PIANP: variants seen among roughly 807,000 people sequenced by gnomAD.
PIANP encodes the protein PILR alpha associated neural protein.
In PIANP, 14 loss-of-function variants were observed where a neutral mutation model predicts 28.9. The observed-to-expected ratio is 0.49, with a 90% CI of 0.32 to 0.76. The LOEUF (loss-of-function observed/expected upper bound fraction) is 0.76, where lower values mean the gene tolerates loss of function less well. Among genes scored for constraint, PIANP ranks in the 30% least tolerant of loss-of-function variants. The pLI is 0.03. For synonymous variants in PIANP, 149 were observed against 156.6 expected (o/e 0.95, Z 0.36); for missense variants, 322 against 371.8 (o/e 0.87, Z 1.10).
chr12:6,692,211 A>G (rs1420992775), downstream of PIANP, among the ~76,000 whole-genome samples: 2 of 152,148 alleles, frequency 1.3e-5, no homozygotes, highest in African/African-American at 4.8e-5. Context: ...GTGTATTTTA[A>G]TTTATTTAAA....
At position 6,695,613 on chromosome 12, in the gene PIANP, T is replaced by C. The variant is rs756525402; in HGVS notation, c.644A>G (p.Gln215Arg). 16 of 1,577,052 alleles carry C rather than the reference T, an allele frequency of 1.0e-5. No individual in the cohort carries two copies. In the African/African-American group the frequency reaches 2.0e-4, roughly 20 times the overall value. The change falls in exon 5 of 5, where the codon CAG becomes CGG. Residue 215 changes from glutamine to arginine, a missense_variant. By Grantham distance (43) the Gln-to-Arg change is conservative. Transcript: ENST00000534837. This position sits in a 1 kb window ranked among gnomAD's most constrained non-coding sequence, Gnocchi z 4.2. The stretch of plus-strand genomic sequence containing the variant: ...CTCCTCCTGCCTCAGGGCACCTTGC[T>C]GCCCTGAGGGTCTGCGTCGCTTCTG... ...RSQKRRRPSG[Q>R]QGALRQEESQ...
At chr12:6,699,458 C>T (rs906546414) in intron 1 of PIANP, among the ~76,000 whole-genome samples, 2 of 151,500 alleles carry the variant, frequency 1.3e-5, no homozygotes, top group African/African-American at 4.9e-5. Context: ...AGCAGGCAGT[C>T]CTGAAAAAGA....
chr12:6,699,685 A>G (rs1959989813), intron 1 of PIANP, among the ~76,000 whole-genome samples: 1 of 151,496 alleles, frequency 6.6e-6, no homozygotes, highest in South Asian at 2.1e-4. Context: ...AAAAGGGGGG[A>G]AAGCCCAGGA....
chr12:6,695,543 C>A lies in PIANP; in HGVS notation c.714G>T (p.Val238=). Residue 238 remains valine, a synonymous_variant, in exon 5 of 5, where the codon GTG becomes GTT. Transcript: ENST00000534837. This position sits in a 1 kb window ranked among gnomAD's most constrained non-coding sequence, Gnocchi z 4.2. ...TAGGTGAGTCCCCGAAGGCCCCCAG[C>A]ACAGTGACTCCAGCCGGGGACAGGT... ...LTDLSPAGVT[V]LGAFGDSPTP... 1.9e-6 allele frequency: 3 copies of A among 1,593,984 alleles called. No homozygotes were observed. The highest frequency in any genetic ancestry group is 2.6e-6 in the Non-Finnish European group (3 of 1,169,260).
intron 1 of PIANP, chr12:6,699,896 G>C (rs1261597464): frequency 6.6e-6 from 1 of 152,664 alleles, no homozygotes; most frequent in Non-Finnish European, 1.5e-5. Flanking sequence ...GGGAAAGGAA[G>C]AAAGCTAGAG....
chr12:6,695,758 A>G lies in PIANP; in HGVS notation c.606-107T>C, dbSNP rs2137705475. On this transcript the variant is annotated intron_variant, in intron 4 of 4. Transcript: ENST00000534837. The surrounding 1 kb of genome is among the most constrained non-coding windows in gnomAD (Gnocchi z 4.2). ...CTCGCCCAGTCACTCCCAACATCTT[A>G]TAGCAGAGAAACTGGCCTTTAACAG... 8.0e-7 allele frequency: 1 copy of G among 1,251,150 alleles called. No individual in the cohort carries two copies. 77.5% of individuals were successfully genotyped at this position (1,251,150 alleles called of 1,614,324 possible).
At position 6,700,235 on chromosome 12, in the gene PIANP, G is replaced by GCCCGCACTC. The variant is rs1960013218; in HGVS notation, c.-44+370_-44+378dup. On this transcript the variant is annotated intron_variant, in intron 1 of 4. Coordinates refer to ENST00000534837, the MANE Select transcript of PIANP (RefSeq NM_001244014.2). This position sits in a 1 kb window ranked among gnomAD's most constrained non-coding sequence, Gnocchi z 5.5. ...GGCCCCCATCCCACCCATCCCGCAGGCCCGCACTCCCCGCACAGGGCTGGA... is the reference window on the plus strand; with the variant it reads ...GGCCCCCATCCCACCCATCCCGCAGGCCCGCACTCCCCGCACTCCCCGCACAGGGCTGGA... 1 of 152,280 alleles carries GCCCGCACTC rather than the reference G, an allele frequency of 6.6e-6. No homozygotes were observed. Among genetic ancestry groups the GCCCGCACTC allele is most frequent in the Non-Finnish European group, 1.5e-5 (1 of 68,100 alleles). The allele number at this position is 152,280 out of a possible 1,614,324, so 9.4% of individuals were successfully genotyped here.
chr12:6,700,712 G>A lies in PIANP; in HGVS notation c.-142C>T, dbSNP rs953760597. The A allele has an allele frequency of 3.2e-4, 49 of 151,366 alleles. No homozygotes were observed. The highest frequency in any genetic ancestry group is 1.1e-3 in the African/African-American group (46 of 41,134). 9.4% of individuals were successfully genotyped at this position (151,366 alleles called of 1,614,324 possible). ...GGCGGGGTGCGGGGCATGGTGGGGA[G>A]GTTTGGCCCGCGGCAGGGCGCTGGA... is the stretch of plus-strand genomic sequence containing the variant. On this transcript the variant is annotated 5_prime_UTR_variant, in exon 1 of 5. Transcript: ENST00000534837. This position sits in a 1 kb window ranked among gnomAD's most constrained non-coding sequence, Gnocchi z 5.5.
At position 6,697,720 on chromosome 12, in the gene PIANP, C is replaced by A. The variant is rs867345037; in HGVS notation, c.90G>T (p.Gln30His). The change falls in exon 3 of 5, where the codon CAG (glutamine) becomes CAT (histidine). Residue 30 changes from glutamine to histidine, a missense_variant. By Grantham distance (24) the Gln-to-His change is conservative (BLOSUM62 0). Transcript: ENST00000534837. This position sits in a 1 kb window ranked among gnomAD's most constrained non-coding sequence, Gnocchi z 6.9. Reference sequence around the variant, plus strand: ...GGGTTCGAGGGGAGGATGAAGAGCCCTGAGCAGGCGGTGGGAGGGGCAGCA... The same window carrying A: ...GGGTTCGAGGGGAGGATGAAGAGCCATGAGCAGGCGGTGGGAGGGGCAGCA... ...LLLLPLPPPA[Q>H]GSSSSPRTPP... 1.3e-6 allele frequency: 2 copies of A among 1,557,822 alleles called. No homozygotes were observed. The highest frequency in any genetic ancestry group is 1.7e-6 in the Non-Finnish European group (2 of 1,153,432).
At position 6,700,259 on chromosome 12, in the gene PIANP, G is replaced by A. The variant is rs1960014110; in HGVS notation, c.-44+355C>T. 6.6e-6 allele frequency: 1 copy of A among 152,522 alleles called. No individual in the cohort carries two copies. Among genetic ancestry groups the A allele is most frequent in the Non-Finnish European group, 1.5e-5 (1 of 68,268 alleles). 9.4% of individuals were successfully genotyped at this position (152,522 alleles called of 1,614,324 possible). On this transcript the variant is annotated intron_variant, in intron 1 of 4. Transcript: ENST00000534837. This position sits in a 1 kb window ranked among gnomAD's most constrained non-coding sequence, Gnocchi z 5.5. ...GGCCCGCACTCCCCGCACAGGGCTG[G>A]AGAGCGGCGAGAGTGGGGGGAGACG...
In PIANP at chr12:6,694,814, G is replaced by A; in HGVS notation, c.*612C>T. ...GCTTTCATGTGAGTGCACAAGGGTG[G>A]GGACAGGGACCCGAAGTCACAGATA... On this transcript the variant is annotated 3_prime_UTR_variant, in exon 5 of 5. Transcript: ENST00000534837. The surrounding 1 kb of genome is among the most constrained non-coding windows in gnomAD (Gnocchi z 6.1). 1 of 533,818 alleles carries A rather than the reference G, an allele frequency of 1.9e-6. No homozygotes were observed. The highest frequency in any genetic ancestry group is 3.3e-6 in the Non-Finnish European group (1 of 300,822). The allele number at this position is 533,818 out of a possible 1,614,324, so 33.1% of individuals were successfully genotyped here.
In PIANP at chr12:6,695,566, G is replaced by A. The variant is rs1472290575; in HGVS notation, c.691C>T (p.Leu231=). The A allele has an allele frequency of 1.3e-6, 2 of 1,593,812 alleles. No homozygotes were observed. The highest frequency in any genetic ancestry group is 8.6e-7 in the Non-Finnish European group (1 of 1,169,150). ...QEESQQPLTD[L]SPAGVTVLGA... ...AGCACAGTGACTCCAGCCGGGGACA[G>A]GTCTGTCAGTGGCTGCTGGCTCTCC... is the stretch of plus-strand genomic sequence containing the variant. The change falls in exon 5 of 5, where the codon CTG becomes TTG. Residue 231 remains leucine (L), a synonymous_variant. Coordinates refer to ENST00000534837, the MANE Select transcript of PIANP (RefSeq NM_001244014.2). This position sits in a 1 kb window ranked among gnomAD's most constrained non-coding sequence, Gnocchi z 4.2.
chr12:6,692,906 T>G (rs765959349), downstream of PIANP, among the ~76,000 whole-genome samples: 20 of 152,114 alleles, frequency 1.3e-4, no homozygotes, highest in Non-Finnish European at 2.5e-4. Context: ...GCTTGAAAGA[T>G]AAATGCATGG....
In PIANP at chr12:6,696,530, T is replaced by C; in HGVS notation, c.524-6A>G. On this transcript the variant is annotated splice_polypyrimidine_tract_variant and splice_region_variant and intron_variant, in intron 3 of 4. Transcript: ENST00000534837. This position sits in a 1 kb window ranked among gnomAD's most constrained non-coding sequence, Gnocchi z 4.0. ...ATAGAGCTGGGGGTCCACACCTGAT[T>C]GGGGTGGGAAGAAAGTTTTAGGGAG... 6.3e-7 allele frequency: 1 copy of C among 1,579,904 alleles called. No homozygotes were observed. The highest frequency in any genetic ancestry group is 8.6e-7 in the Non-Finnish European group (1 of 1,163,028).
In PIANP at chr12:6,700,382, G is replaced by A. The variant is rs1015111699; in HGVS notation, c.-44+232C>T. On this transcript the variant is annotated intron_variant, in intron 1 of 4. Coordinates refer to ENST00000534837, the MANE Select transcript of PIANP (RefSeq NM_001244014.2). This position sits in a 1 kb window ranked among gnomAD's most constrained non-coding sequence, Gnocchi z 5.5. ...ACTGCGCGGAGCCGCCCGCCGAGCC[G>A]AGGCGGGATGGAGGCAGCCGCGGGG... 2.0e-5 allele frequency: 3 copies of A among 152,460 alleles called. No homozygotes were observed. Among genetic ancestry groups the A allele is most frequent in the African/African-American group, 7.2e-5 (3 of 41,466 alleles). The allele number at this position is 152,460 out of a possible 1,614,324, so 9.4% of individuals were successfully genotyped here. A position where few individuals can be genotyped will look rare whatever the true frequency, so the allele number is the denominator to read the frequency against.
At position 6,693,967 on chromosome 12, in the gene PIANP, A is replaced by G. The variant is rs940462888; in HGVS notation, c.*1459T>C. ...GTGAGAAGGAGGGAAGAACCTGAGGAGGGGGAAAGGGCAGGGAAGCAAAAG... is the reference window on the plus strand; with the variant it reads ...GTGAGAAGGAGGGAAGAACCTGAGGGGGGGGAAAGGGCAGGGAAGCAAAAG... On this transcript the variant is annotated 3_prime_UTR_variant, in exon 5 of 5. Coordinates refer to ENST00000534837, the MANE Select transcript of PIANP (RefSeq NM_001244014.2). The G allele has an allele frequency of 6.5e-6, 1 of 153,502 alleles. No individual in the cohort carries two copies. The highest frequency in any genetic ancestry group is 2.4e-5 in the African/African-American group (1 of 41,370). 9.5% of individuals were successfully genotyped at this position (153,502 alleles called of 1,614,324 possible).
At chr12:6,692,616 A>G (rs1197765110), downstream of PIANP, among the ~76,000 whole-genome samples, 2 of 152,066 alleles carry the variant, frequency 1.3e-5, no homozygotes. Context: ...TCATGCCCCC[A>G]GTGAGTTGAC....
At chr12:6,699,306 T>A (rs950286900) in intron 1 of PIANP, among the ~76,000 whole-genome samples, 1 of 151,664 alleles carries the variant, frequency 6.6e-6, no homozygotes, top group African/African-American at 2.4e-5. Flanking sequence ...GGGAACAAGA[T>A]GGGAAAGTCA....
chr12:6,695,549 G>T lies in PIANP; in HGVS notation c.708C>A (p.Val236=). 6.3e-7 allele frequency: 1 copy of T among 1,595,102 alleles called. No individual in the cohort carries two copies. Among genetic ancestry groups the T allele is most frequent in the Non-Finnish European group, 8.5e-7 (1 of 1,169,778 alleles). ...QPLTDLSPAG[V]TVLGAFGDSP... Reference sequence around the variant, plus strand: ...AGTCCCCGAAGGCCCCCAGCACAGTGACTCCAGCCGGGGACAGGTCTGTCA... The same window carrying T: ...AGTCCCCGAAGGCCCCCAGCACAGTTACTCCAGCCGGGGACAGGTCTGTCA... The change falls in exon 5 of 5, where the codon GTC becomes GTA. Residue 236 remains valine, a synonymous_variant. Transcript: ENST00000534837. This position sits in a 1 kb window ranked among gnomAD's most constrained non-coding sequence, Gnocchi z 4.2.
Sources: allele counts gnomAD v4.1 joint callset (sites outside exome capture counted in the v4.1 genomes callset), GRCh38; gene constraint gnomAD v4.1.1; non-coding constraint Gnocchi (gnomAD v3.1); transcripts MANE v1.5; gene names NCBI Gene and HGNC (gene_info 2026-07-23, HGNC 2026-07-21).